Variants in ZNF79 observed in about 807,000 individuals in gnomAD.
ZNF79 encodes the protein ZNFpT7.
ZNF79 carries 13 observed loss-of-function variants against 14.9 expected under a neutral mutation model. That is an observed-to-expected ratio of 0.87 (90% CI 0.57 to 1.38). The LOEUF (loss-of-function observed/expected upper bound fraction) is 1.38. Ranked by LOEUF, ZNF79 falls within the 40% of genes most tolerant of loss-of-function variation. ZNF79 has a pLI of 0.00. For synonymous variants in ZNF79, 223 were observed against 235.1 expected (o/e 0.95, Z 0.47); for missense variants, 631 against 630.6 (o/e 1.00, Z -0.01).
At position 127,428,914 on chromosome 9, in the gene ZNF79, G is replaced by A. The variant is rs1414722260; in HGVS notation, c.99G>A (p.Gly33=). 5 of 1,577,892 alleles carry A rather than the reference G, an allele frequency of 3.2e-6. No homozygotes were observed. In the East Asian group the frequency reaches 9.3e-5, roughly 29 times the overall value. The change falls in exon 2 of 5, where the codon GGG becomes GGA. Residue 33 remains glycine, a synonymous_variant. Coordinates refer to ENST00000342483, the MANE Select transcript of ZNF79 (RefSeq NM_007135.3). ...TGGCTGCTGGTCTCCTCACAGCTGG[G>A]CCCCGGGTAAGTTGGAAATTAACTT... ...EGMAAGLLTA[G]PRGSTFFSSV...
intron 1 of ZNF79, among the ~76,000 whole-genome samples, chr9:127,425,535 A>G (rs1424407172): frequency 6.6e-6 from 1 of 152,060 alleles, no homozygotes; most frequent in South Asian, 2.1e-4. Context: ...GCAATTTTAC[A>G]TCCAGAATTT....
chr9:127,435,863 A>C, intron 3 of ZNF79, 45 bp from the exon 4 acceptor site: 1 of 1,550,636 alleles, frequency 6.4e-7, no homozygotes, highest in Non-Finnish European at 8.9e-7. Context: ...GTGGCTGTTC[A>C]TACTTACTTA....
intron 4 of ZNF79, among the ~76,000 whole-genome samples, chr9:127,439,387 T>C (rs1018967029): frequency 2.0e-5 from 3 of 152,136 alleles, no homozygotes; most frequent in African/African-American, 7.2e-5. Context: ...AATTAACATA[T>C]ATCTGAAAAA....
At chr9:127,428,662 T>G in intron 1 of ZNF79, 170 bp from the exon 2 acceptor site, 1 of 1,239,402 alleles carries the variant, frequency 8.1e-7, no homozygotes, top group Non-Finnish European at 1.0e-6. Context: ...TACATCTGAG[T>G]GAGTTGATGG....
At chr9:127,426,052 T>C (rs530238316) in intron 1 of ZNF79, among the ~76,000 whole-genome samples, 4 of 152,362 alleles carry the variant, frequency 2.6e-5, no homozygotes, top group African/African-American at 9.6e-5. Context: ...TCAGGTTAGA[T>C]AACTCTCAGT....
intron 4 of ZNF79, 139 bp downstream of exon 4, chr9:127,436,142 A>T: frequency 1.4e-6 from 1 of 705,236 alleles, no homozygotes; most frequent in East Asian, 2.8e-5. Context: ...AATGGAGCTG[A>T]GAAAGGCTGG....
chr9:127,426,446 C>G (rs1833756105), intron 1 of ZNF79, among the ~76,000 whole-genome samples: 1 of 149,728 alleles, frequency 6.7e-6, no homozygotes, highest in South Asian at 2.1e-4. Flanking sequence ...GCGATCTCAG[C>G]TCACCGCAAC....
At chr9:127,437,347 C>CA (rs397782444) in intron 4 of ZNF79, among the ~76,000 whole-genome samples, 6 of 151,708 alleles carry the variant, frequency 4.0e-5, no homozygotes, top group African/African-American at 1.2e-4. Flanking sequence ...GGCCCCCCCC[C>CA]GCTGCCTGGG....
rs4837151 is a variant in ZNF79 at position 127,442,355 on chromosome 9, A to T, written c.329-1674A>T. Among the ~76,000 whole-genome samples the T allele has an allele frequency of 1.4e-4, 21 of 150,848 alleles. No individual in the cohort carries two copies. In the East Asian group the frequency reaches 2.9e-3, roughly 21 times the overall value. On this transcript the variant is annotated intron_variant, in intron 4 of 4. Coordinates refer to ENST00000342483, the MANE Select transcript of ZNF79 (RefSeq NM_007135.3). ...GGCGAAGGTTGCAGTGAGCCAAGAT[A>T]GCACCATTGCACTCCAGCCTGGGCA...
At chr9:127,432,488 C>G (rs1221985535) in intron 2 of ZNF79, among the ~76,000 whole-genome samples, 1 of 151,662 alleles carries the variant, frequency 6.6e-6, no homozygotes, top group Non-Finnish European at 1.5e-5. Context: ...GAATCCTTAA[C>G]TCACCTTCTT....
chr9:127,440,529 T>G (rs2131960068), intron 4 of ZNF79, among the ~76,000 whole-genome samples: 1 of 152,188 alleles, frequency 6.6e-6, no homozygotes, highest in East Asian at 1.9e-4. Context: ...GGCGTTTGGG[T>G]TTTAGTCACC....
At chr9:127,425,934 G>A (rs2131939442) in intron 1 of ZNF79, among the ~76,000 whole-genome samples, 1 of 152,288 alleles carries the variant, frequency 6.6e-6, no homozygotes, top group East Asian at 1.9e-4. Flanking sequence ...AGAGTAGAGA[G>A]TGCAATTTCA....
At chr9:127,435,334 T>A in intron 3 of ZNF79, 118 bp downstream of exon 3, 1 of 1,216,570 alleles carries the variant, frequency 8.2e-7, no homozygotes, top group Non-Finnish European at 1.1e-6. Flanking sequence ...TGGTGTTTAT[T>A]CCTCTTGTTC....
intron 4 of ZNF79, among the ~76,000 whole-genome samples, chr9:127,439,965 C>T (rs532368309): frequency 6.6e-6 from 1 of 152,178 alleles, no homozygotes; most frequent in African/African-American, 2.4e-5. Flanking sequence ...CGGGTTCATG[C>T]CATTCTCCTG....
At position 127,430,622 on chromosome 9, in the gene ZNF79, G is replaced by A. The variant is rs117792400; in HGVS notation, c.105+1702G>A. Reference sequence around the variant, plus strand: ...TGACTTCATTTTTTATGGCTGCATCGTATTCCACATGTATTTCCTGTTCCA... The same window carrying A: ...TGACTTCATTTTTTATGGCTGCATCATATTCCACATGTATTTCCTGTTCCA... On this transcript the variant is annotated intron_variant, in intron 2 of 4. Coordinates refer to ENST00000342483, the MANE Select transcript of ZNF79 (RefSeq NM_007135.3). 5.8e-3 allele frequency among the ~76,000 whole-genome samples: 887 copies of A among 152,252 alleles called. 27 individuals carry two copies. The highest frequency in any genetic ancestry group is 0.058 in the South Asian group (278 of 4,822).
chr9:127,426,933 C>T (rs1833765731), intron 1 of ZNF79, among the ~76,000 whole-genome samples: 2 of 152,114 alleles, frequency 1.3e-5, no homozygotes, highest in Admixed American at 1.3e-4. Context: ...TTCCAGTTTC[C>T]TTACATCCTC....
At chr9:127,439,358 A>G (rs145004944) in intron 4 of ZNF79, among the ~76,000 whole-genome samples, 1 of 152,314 alleles carries the variant, frequency 6.6e-6, no homozygotes, top group East Asian at 1.9e-4. Flanking sequence ...GTAGATGATA[A>G]AATCTTTCTT....
intron 1 of ZNF79, among the ~76,000 whole-genome samples, chr9:127,428,129 C>T (rs1031250758): frequency 2.6e-5 from 4 of 151,916 alleles, no homozygotes; most frequent in African/African-American, 4.8e-5. Context: ...TATGGGTATG[C>T]GCTACCAAGC....
rs1256816686 is a variant in ZNF79, at chr9:127,444,450, G to A, written c.750G>A (p.Lys250=). 1.2e-6 allele frequency: 2 copies of A among 1,609,716 alleles called. No homozygotes were observed. The highest frequency in any genetic ancestry group is 1.7e-6 in the Non-Finnish European group (2 of 1,176,836). The change falls in exon 5 of 5, where the codon AAG becomes AAA. Residue 250 remains lysine, a synonymous_variant. Coordinates refer to ENST00000342483, the MANE Select transcript of ZNF79 (RefSeq NM_007135.3). ...TTCACACTGGAGAGAAGCCTTACAAGTGCAGTGAATGTGGAAGAGCCTTCA... is the reference window on the plus strand; with the variant it reads ...TTCACACTGGAGAGAAGCCTTACAAATGCAGTGAATGTGGAAGAGCCTTCA... The part of the protein sequence containing the change: ...QRIHTGEKPY[K]CSECGRAFSQ...
Sources: allele counts gnomAD v4.1 joint callset (sites outside exome capture counted in the v4.1 genomes callset), GRCh38; gene constraint gnomAD v4.1.1; transcripts MANE v1.5; gene names NCBI Gene and HGNC (gene_info 2026-07-23, HGNC 2026-07-21).